FGFR1: variants seen among roughly 807,000 people sequenced by gnomAD.
The protein encoded by FGFR1 is FGFR1/PLAG1 fusion.
FGFR1 carries 18 observed loss-of-function variants against 93.7 expected under a neutral mutation model. That is an observed-to-expected ratio of 0.19 (90% CI 0.13 to 0.28). The LOEUF is 0.28. Among genes scored for constraint, FGFR1 ranks in the 10% least tolerant of loss-of-function variants. The pLI, the probability that FGFR1 is intolerant of heterozygous loss-of-function variation, is 1.00. For missense variants in FGFR1, 731 were observed against 1,080.4 expected (o/e 0.68, Z 4.53); for synonymous variants, 448 against 429.3 (o/e 1.04, Z -0.54).
rs566357020 is a variant in FGFR1, at chr8:38,437,092, C to A, written c.92-7144G>T. On this transcript the variant is annotated intron_variant, in intron 2 of 17. Transcript: ENST00000447712. ...ATGGAGTTTTGCCATGTTGGCCAGG[C>A]TGGTCTTGAACTCCTGAACTTAAGT... 1.2e-4 allele frequency among the ~76,000 whole-genome samples: 18 copies of A among 152,306 alleles called. No homozygotes were observed. In the South Asian group the frequency reaches 2.9e-3, roughly 25 times the overall value.
In FGFR1 at chr8:38,424,396, G is replaced by A. The variant is rs145098931; in HGVS notation, c.936+113C>T. 1,079 of 1,117,488 alleles carry A rather than the reference G, an allele frequency of 9.7e-4. 13 individuals are homozygous for A. In the East Asian group the frequency reaches 0.023, roughly 23 times the overall value. The allele number at this position is 1,117,488 out of a possible 1,614,324, so 69.2% of individuals were successfully genotyped here. ...GAGATGGAGTGTGTGTGCCTGAAGC[G>A]TGAGGAATGATCCCATTCGGGGGCA... On this transcript the variant is annotated intron_variant, in intron 7 of 17. Coordinates refer to ENST00000447712, the MANE Select transcript of FGFR1 (RefSeq NM_023110.3). The surrounding 1 kb of genome is among the most constrained non-coding windows in gnomAD (Gnocchi z 4.3).
At chr8:38,422,942 C>T (rs1230872291) in intron 7 of FGFR1, 1 of 737,294 alleles carries the variant, frequency 1.4e-6, no homozygotes, top group Non-Finnish European at 2.5e-6. Context: ...AAGGACAGTC[C>T]AGTACTGGCT....
chr8:38,413,175 C>A lies in FGFR1; in HGVS notation c.*453G>T, dbSNP rs1814951526. On this transcript the variant is annotated 3_prime_UTR_variant, in exon 18 of 18. Coordinates refer to ENST00000447712, the MANE Select transcript of FGFR1 (RefSeq NM_023110.3). The surrounding 1 kb of genome is among the most constrained non-coding windows in gnomAD (Gnocchi z 4.2). ...GGGCAGAGGTCACCTTCAATCGAGG[C>A]ACGAAGCACTGACCTCCCTACTGCT... is the stretch of plus-strand genomic sequence containing the variant. 1 of 249,634 alleles carries A rather than the reference C, an allele frequency of 4.0e-6. No individual in the cohort carries two copies. Among genetic ancestry groups the A allele is most frequent in the Non-Finnish European group, 7.8e-6 (1 of 128,094 alleles). The allele number at this position is 249,634 out of a possible 1,614,324, so 15.5% of individuals were successfully genotyped here. A position where few individuals can be genotyped will look rare whatever the true frequency, so the allele number is the denominator to read the frequency against.
chr8:38,437,847 T>C (rs1278236808), intron 2 of FGFR1, among the ~76,000 whole-genome samples: 1 of 152,222 alleles, frequency 6.6e-6, no homozygotes, highest in African/African-American at 2.4e-5. Context: ...AAAATGTATT[T>C]TGAAATACCG....
chr8:38,461,799 G>A (rs1307517295), intron 1 of FGFR1, among the ~76,000 whole-genome samples: 1 of 152,130 alleles, frequency 6.6e-6, no homozygotes, highest in Non-Finnish European at 1.5e-5. Flanking sequence ...CCTCTCTAAA[G>A]TACCAACCAA....
rs978402131 is a variant in FGFR1 at position 38,413,546 on chromosome 8, C to T, written c.*82G>A. ...CTGCCAGCAGGAAAGGGGACAGGGA[C>T]GGACAGGTGGTGGGCCCAGCAGGGG... On this transcript the variant is annotated 3_prime_UTR_variant, in exon 18 of 18. Transcript: ENST00000447712. The surrounding 1 kb of genome is among the most constrained non-coding windows in gnomAD (Gnocchi z 4.2). The T allele has an allele frequency of 1.5e-5, 22 of 1,459,584 alleles. No homozygotes were observed. The highest frequency in any genetic ancestry group is 2.5e-4 in the Middle Eastern group (1 of 4,074). 90.4% of individuals were successfully genotyped at this position (1,459,584 alleles called of 1,614,324 possible). A position where few individuals can be genotyped will look rare whatever the true frequency, so the allele number is the denominator to read the frequency against.
rs1260311917 is a variant in FGFR1, at chr8:38,424,641, G to C, written c.804C>G (p.Ala268=). The C allele has an allele frequency of 6.2e-7, 1 of 1,613,044 alleles. No individual in the cohort carries two copies. The highest frequency in any genetic ancestry group is 8.5e-7 in the Non-Finnish European group (1 of 1,179,150). ...QAGLPANKTV[A]LGSNVEFMCK... ...ACATGAACTCCACGTTGCTACCCAG[G>C]GCCACTGTTTTGTTGGCGGGCAACC... The change falls in exon 7 of 18, where the codon GCC becomes GCG. Residue 268 remains alanine (A), a synonymous_variant. Coordinates refer to ENST00000447712, the MANE Select transcript of FGFR1 (RefSeq NM_023110.3). The surrounding 1 kb of genome is among the most constrained non-coding windows in gnomAD (Gnocchi z 4.3).
intron 2 of FGFR1, among the ~76,000 whole-genome samples, chr8:38,438,282 C>CT (rs1826106213): frequency 6.6e-6 from 1 of 152,136 alleles, no homozygotes; most frequent in African/African-American, 2.4e-5. Flanking sequence ...TGGCTAATGC[C>CT]TGTAATCCTA....
intron 1 of FGFR1, among the ~76,000 whole-genome samples, chr8:38,462,638 G>T (rs1406499889): frequency 2.0e-5 from 3 of 151,518 alleles, no homozygotes; most frequent in Admixed American, 6.6e-5. Context: ...CTTTGAGATG[G>T]AGTCTTGCTC....
chr8:38,444,051 CAAAA>C (rs746296068), intron 2 of FGFR1, among the ~76,000 whole-genome samples: 1 of 74,352 alleles, frequency 1.3e-5, no homozygotes, highest in Non-Finnish European at 2.5e-5. Context: ...GAAACTGTCT[CAAAA>C]AAAAAAAAAA....
intron 2 of FGFR1, among the ~76,000 whole-genome samples, chr8:38,449,279 C>T (rs1020936814): frequency 1.3e-5 from 2 of 151,882 alleles, no homozygotes; most frequent in African/African-American, 2.4e-5. Flanking sequence ...AAGAAAAGGA[C>T]AGGAACAGAT....
chr8:38,455,489 C>A (rs1021379285), intron 2 of FGFR1, among the ~76,000 whole-genome samples: 2 of 152,122 alleles, frequency 1.3e-5, no homozygotes, highest in Non-Finnish European at 2.9e-5. Flanking sequence ...GATGGGGTTT[C>A]ACCGTGTTAG....
chr8:38,438,888 T>C (rs1429156433), intron 2 of FGFR1, among the ~76,000 whole-genome samples: 2 of 152,144 alleles, frequency 1.3e-5, no homozygotes, highest in African/African-American at 4.8e-5. Context: ...CTTCCCTCAT[T>C]TCCTCAAGCC....
chr8:38,450,799 C>T (rs984439966), intron 2 of FGFR1, among the ~76,000 whole-genome samples: 3 of 152,144 alleles, frequency 2.0e-5, no homozygotes, highest in Admixed American at 2.0e-4. Context: ...CTGGCAGAGC[C>T]AGAGTGGAAA....
At chr8:38,421,970 C>T (rs2150761218) in intron 7 of FGFR1, 29 bp from the exon 8 acceptor site, 1 of 1,613,552 alleles carries the variant, frequency 6.2e-7, no homozygotes, top group Non-Finnish European at 8.5e-7. Flanking sequence ...GCAAAATGGA[C>T]AAGCACAGGA....
At chr8:38,454,610 CCAGA>C (rs1457487619) in intron 2 of FGFR1, among the ~76,000 whole-genome samples, 7 of 152,170 alleles carry the variant, frequency 4.6e-5, no homozygotes, top group Non-Finnish European at 1.0e-4. Flanking sequence ...CTTCCTCTAG[CCAGA>C]CACTCAAAAT....
intron 6 of FGFR1, among the ~76,000 whole-genome samples, chr8:38,425,167 G>A (rs1288254152): frequency 6.6e-6 from 1 of 151,302 alleles, no homozygotes; most frequent in African/African-American, 2.4e-5. Context: ...TAAAGGCAGG[G>A]TCTCACTCTG....
chr8:38,424,368 A>T lies in FGFR1; in HGVS notation c.936+141T>A. On this transcript the variant is annotated intron_variant, in intron 7 of 17. Coordinates refer to ENST00000447712, the MANE Select transcript of FGFR1 (RefSeq NM_023110.3). The surrounding 1 kb of genome is among the most constrained non-coding windows in gnomAD (Gnocchi z 4.3). ...TCCTGGGGGATGTGGCTAGATCCCT[A>T]CTGAGATGGAGTGTGTGTGCCTGAA... 1.1e-6 allele frequency: 1 copy of T among 887,902 alleles called. No homozygotes were observed. The highest frequency in any genetic ancestry group is 1.9e-6 in the Non-Finnish European group (1 of 538,266). The allele number at this position is 887,902 out of a possible 1,614,324, so 55.0% of individuals were successfully genotyped here.
intron 4 of FGFR1, 61 bp downstream of exon 4, chr8:38,428,285 C>A: frequency 6.4e-7 from 1 of 1,559,480 alleles, no homozygotes; most frequent in African/African-American, 1.4e-5. Flanking sequence ...CAGCCTTCCC[C>A]TCCCCTCTTA....
Sources: allele counts gnomAD v4.1 joint callset (sites outside exome capture counted in the v4.1 genomes callset), GRCh38; gene constraint gnomAD v4.1.1; non-coding constraint Gnocchi (gnomAD v3.1); transcripts MANE v1.5; gene names NCBI Gene and HGNC (gene_info 2026-07-23, HGNC 2026-07-21).